The following EYS variants were observed in gnomAD, a reference collection of about 807,000 sequenced individuals.
The protein encoded by EYS is EGF-like photoreceptor maintenance factor, also known as protein eyes shut homolog.
Under a neutral mutation model 282.1 loss-of-function variants are expected in EYS, and 250 were observed. That is an observed-to-expected ratio of 0.89 (90% CI 0.80 to 0.98). EYS has a LOEUF of 0.98. EYS is among the 50% of genes least tolerant of loss of function. The probability of loss-of-function intolerance (pLI) is 0.00; values close to 1 mark genes in which losing one functional copy is unlikely to be tolerated. For missense variants in EYS, 4,016 were observed against 3,709.0 expected, an observed-to-expected ratio of 1.08 and a Z score of -2.15; for synonymous variants, 1,355 against 1,282.9, an observed-to-expected ratio of 1.06 and a Z score of -1.20.
chr6:65,271,190 G>A (rs1767894347), intron 12 of EYS, among the ~76,000 whole-genome samples: 1 of 120,796 alleles, frequency 8.3e-6, no homozygotes, highest in African/African-American at 3.0e-5. Flanking sequence ...ACAGGAAGCT[G>A]GAAGTTGAGA....
chr6:64,978,083 T>A (rs1770532358), intron 14 of EYS, among the ~76,000 whole-genome samples: 1 of 151,946 alleles, frequency 6.6e-6, no homozygotes, highest in South Asian at 2.1e-4. Context: ...AACAACACAT[T>A]TCCAGTGTAG....
At chr6:64,708,154 A>C (rs1454245717) in intron 22 of EYS, among the ~76,000 whole-genome samples, 1 of 152,212 alleles carries the variant, frequency 6.6e-6, no homozygotes, top group Non-Finnish European at 1.5e-5. Flanking sequence ...GCAGGCCTGA[A>C]AAAATGAGTA....
chr6:64,054,418 C>T (rs1770914193), intron 33 of EYS, among the ~76,000 whole-genome samples: 1 of 152,068 alleles, frequency 6.6e-6, no homozygotes, highest in African/African-American at 2.4e-5. Context: ...CTGTTTGGGA[C>T]AGTAGAGATT....
At chr6:64,308,378 C>T (rs915722411) in intron 29 of EYS, among the ~76,000 whole-genome samples, 3 of 152,088 alleles carry the variant, frequency 2.0e-5, no homozygotes, top group African/African-American at 4.8e-5. Flanking sequence ...CTAGTAATTA[C>T]ATGTGTATCT....
At chr6:64,931,307 T>G (rs1768715290) in intron 15 of EYS, among the ~76,000 whole-genome samples, 1 of 152,140 alleles carries the variant, frequency 6.6e-6, no homozygotes, top group South Asian at 2.1e-4. Flanking sequence ...AGCATAAAAT[T>G]TAAGACTCTT....
At chr6:64,730,435 C>T (rs181888430) in intron 22 of EYS, among the ~76,000 whole-genome samples, 6 of 152,246 alleles carry the variant, frequency 3.9e-5, no homozygotes, top group African/African-American at 1.4e-4. Context: ...AAGGAGATTG[C>T]ATGACTGAAT....
At chr6:65,205,755 G>C (rs1352769778) in intron 12 of EYS, among the ~76,000 whole-genome samples, 2 of 151,722 alleles carry the variant, frequency 1.3e-5, no homozygotes, top group African/African-American at 4.8e-5. Flanking sequence ...AACCACATAA[G>C]TACATATAAA....
chr6:64,906,242 A>G (rs1289060978), intron 16 of EYS, among the ~76,000 whole-genome samples: 1 of 151,808 alleles, frequency 6.6e-6, no homozygotes, highest in Non-Finnish European at 1.5e-5. Context: ...AATAGTCTCT[A>G]ATAAGATTTT....
chr6:65,581,841 A>T (rs1463858165), intron 2 of EYS, among the ~76,000 whole-genome samples: 1 of 152,048 alleles, frequency 6.6e-6, no homozygotes. Flanking sequence ...GTATACATCC[A>T]AGTCTTTAGT....
rs1407506683 is a variant in EYS at position 63,720,893 on chromosome 6, A to G, written c.9138T>C (p.His3046=). 3.2e-6 allele frequency: 5 copies of G among 1,550,912 alleles called. No individual in the cohort carries two copies. The highest frequency in any genetic ancestry group is 3.5e-6 in the Non-Finnish European group (4 of 1,146,386). The change falls in exon 43 of 43, where the codon CAT becomes CAC. Residue 3046 remains histidine, a synonymous_variant. Transcript: ENST00000503581. ...GAGTCTGATTTTGAATTACAACTAC[A>G]TGGTGCCATTTATTACAACAGAATG... The part of the protein sequence containing the change: ...NGTFCCNKWH[H]VVVIQNQTLI...
intron 31 of EYS, among the ~76,000 whole-genome samples, chr6:64,229,489 T>A (rs1446945555): frequency 6.6e-6 from 1 of 152,142 alleles, no homozygotes; most frequent in African/African-American, 2.4e-5. Flanking sequence ...TGCAAACACA[T>A]GAAATACTTT....
intron 2 of EYS, among the ~76,000 whole-genome samples, chr6:65,541,594 T>C (rs1768169470): frequency 6.6e-6 from 1 of 152,136 alleles, no homozygotes; most frequent in African/African-American, 2.4e-5. Context: ...ATATTAACTT[T>C]CCCATCAAAA....
chr6:64,399,540 A>C (rs1773480739), intron 28 of EYS, among the ~76,000 whole-genome samples: 1 of 151,198 alleles, frequency 6.6e-6, no homozygotes, highest in Non-Finnish European at 1.5e-5. Flanking sequence ...ATTTTCTCAT[A>C]AGGAAAATTT....
chr6:64,684,101 T>A (rs1445966365), intron 22 of EYS, among the ~76,000 whole-genome samples: 1 of 152,136 alleles, frequency 6.6e-6, no homozygotes, highest in Non-Finnish European at 1.5e-5. Context: ...ACAATGCATA[T>A]CTTAAGAGAT....
At chr6:65,084,525 A>T (rs1159059141) in intron 12 of EYS, among the ~76,000 whole-genome samples, 1 of 152,142 alleles carries the variant, frequency 6.6e-6, no homozygotes, top group Non-Finnish European at 1.5e-5. Flanking sequence ...TAAAAATAAT[A>T]TCTGCCCTAG....
intron 36 of EYS, among the ~76,000 whole-genome samples, chr6:63,848,302 A>G (rs1457772815): frequency 1.3e-5 from 2 of 152,120 alleles, no homozygotes; most frequent in East Asian, 1.9e-4. Flanking sequence ...AGCTTAGAGA[A>G]TTTAAGTAAA....
intron 40 of EYS, among the ~76,000 whole-genome samples, chr6:63,775,290 C>T (rs1303172224): frequency 6.6e-6 from 1 of 152,150 alleles, no homozygotes; most frequent in Non-Finnish European, 1.5e-5. Flanking sequence ...CAAAACAATG[C>T]CTCCCATCTC....
At chr6:64,034,299 G>A (rs1770007664) in intron 33 of EYS, among the ~76,000 whole-genome samples, 1 of 152,108 alleles carries the variant, frequency 6.6e-6, no homozygotes, top group Non-Finnish European at 1.5e-5. Flanking sequence ...AATAATACTT[G>A]CCAAATGCCA....
chr6:65,587,114 A>G (rs1765077346), intron 2 of EYS, among the ~76,000 whole-genome samples: 1 of 152,006 alleles, frequency 6.6e-6, no homozygotes, highest in South Asian at 2.1e-4. Flanking sequence ...GCAACATTTG[A>G]TAAGACTAAT....
Sources: gnomAD v4.1 joint callset for allele counts (sites outside exome capture counted in the v4.1 genomes callset) on GRCh38, gnomAD v4.1.1 for gene constraint, MANE v1.5 for transcripts, NCBI Gene and HGNC (gene_info 2026-07-23, HGNC 2026-07-21) for gene names.